Variants in LAPTM4A observed in about 807,000 individuals in gnomAD.
The protein encoded by LAPTM4A is lysosomal protein transmembrane 4 alpha, also known as lysosomal-associated transmembrane protein 4A.
LAPTM4A carries 19 observed loss-of-function variants against 29.9 expected under a neutral mutation model. The ratio of observed to expected loss-of-function variants is 0.64; its 90% CI spans 0.44 to 0.93. LAPTM4A has a LOEUF of 0.93. Among genes scored for constraint, LAPTM4A ranks in the 40% least tolerant of loss-of-function variants. The pLI is 0.00. For synonymous variants in LAPTM4A, 105 were observed against 102.1 expected (o/e 1.03, Z -0.17); for missense variants, 293 against 288.5 (o/e 1.02, Z -0.11).
In LAPTM4A at chr2:20,033,213, G is replaced by C. The variant is rs373618750; in HGVS notation, c.694C>G (p.Pro232Ala). Reference protein sequence around the residue: ...PEKEPPPPYLPA With the variant: ...PEKEPPPPYLAA Reference sequence around the variant, plus strand: ...TCAAAGGCAGAATTTCTTCAGGCAGGTAAGTAAGGAGGTGGTGGTTCTTTT... The same window carrying C: ...TCAAAGGCAGAATTTCTTCAGGCAGCTAAGTAAGGAGGTGGTGGTTCTTTT... Residue 232 changes from proline (P) to alanine (A), a missense_variant, in exon 7 of 7, where the codon CCT becomes GCT. Transcript: ENST00000175091. 3 of 1,613,838 alleles carry C rather than the reference G, an allele frequency of 1.9e-6. No homozygotes were observed. The highest frequency in any genetic ancestry group is 2.2e-5 in the East Asian group (1 of 44,860).
chr2:20,034,835 C>A, intron 5 of LAPTM4A, 132 bp downstream of exon 5: 1 of 675,188 alleles, frequency 1.5e-6, no homozygotes, highest in South Asian at 1.8e-5. Flanking sequence ...GCTATCTCTG[C>A]TCATGTGCCA....
chr2:20,051,452 G>C lies in LAPTM4A; in HGVS notation c.69C>G (p.Cys23Trp). 1 of 1,613,296 alleles carries C rather than the reference G, an allele frequency of 6.2e-7. No homozygotes were observed. Among genetic ancestry groups the C allele is most frequent in the African/African-American group, 1.3e-5 (1 of 75,010 alleles). ...RFYSTRCCGCCHVRTGTIILG... is the reference protein window; with the variant it reads ...RFYSTRCCGCWHVRTGTIILG... Reference sequence around the variant, plus strand: ...GGATGATCGTCCCGGTGCGGACATGGCAACAGCCGCAGCACCGGGTGCTGT... The same window carrying C: ...GGATGATCGTCCCGGTGCGGACATGCCAACAGCCGCAGCACCGGGTGCTGT... The change falls in exon 1 of 7, where the codon TGC (cysteine) becomes TGG (tryptophan). Residue 23 changes from cysteine (C) to tryptophan (W), a missense_variant. Cys to Trp is a radical substitution (Grantham distance 215). Coordinates refer to ENST00000175091, the MANE Select transcript of LAPTM4A (RefSeq NM_014713.5).
At chr2:20,041,811 C>G (rs1673808172) in intron 1 of LAPTM4A, among the ~76,000 whole-genome samples, 1 of 152,184 alleles carries the variant, frequency 6.6e-6, no homozygotes, top group East Asian at 1.9e-4. Flanking sequence ...GTTGGTATTA[C>G]AGGCGTGAGC....
intron 6 of LAPTM4A, among the ~76,000 whole-genome samples, chr2:20,033,926 C>G (rs1219364890): frequency 6.6e-6 from 1 of 152,152 alleles, no homozygotes; most frequent in Non-Finnish European, 1.5e-5. Context: ...TATTCATCTC[C>G]CCAGACAGGT....
intron 1 of LAPTM4A, among the ~76,000 whole-genome samples, chr2:20,044,368 C>T (rs1161986817): frequency 1.3e-5 from 2 of 152,222 alleles, no homozygotes. Context: ...CTCTGCGGTA[C>T]AGAAATTCCT....
Position 20,034,387 on chromosome 2 carries a change from C to T in LAPTM4A, c.557G>A (p.Cys186Tyr). 1 of 1,613,594 alleles carries T rather than the reference C, an allele frequency of 6.2e-7. No individual in the cohort carries two copies. Among genetic ancestry groups the T allele is most frequent in the South Asian group, 1.1e-5 (1 of 91,072 alleles). ...KAYLINCVWNCYKYINNRNVP... is the reference protein window; with the variant it reads ...KAYLINCVWNYYKYINNRNVP... The stretch of plus-strand genomic sequence containing the variant: ...GTTTCGGTTGTTGATGTATTTATAG[C>T]AGTTCCAAACACAGTTAATTAGATA... The change falls in exon 6 of 7, where the codon TGC becomes TAC. Residue 186 changes from cysteine to tyrosine, a missense_variant. Cys to Tyr is a radical substitution (Grantham distance 194). Transcript: ENST00000175091.
At chr2:20,044,255 T>C (rs1673864913) in intron 1 of LAPTM4A, among the ~76,000 whole-genome samples, 3 of 152,250 alleles carry the variant, frequency 2.0e-5, no homozygotes. Context: ...AACTATCAGA[T>C]ATATCTACTA....
chr2:20,046,232 G>A (rs764600825), intron 1 of LAPTM4A, among the ~76,000 whole-genome samples: 13 of 152,182 alleles, frequency 8.5e-5, no homozygotes, highest in Admixed American at 6.5e-5. Flanking sequence ...ATAGCATTAG[G>A]AGAAATAACT....
chr2:20,041,467 TAA>T (rs1673798632), intron 1 of LAPTM4A, among the ~76,000 whole-genome samples: 1 of 152,174 alleles, frequency 6.6e-6, no homozygotes, highest in South Asian at 2.1e-4. Context: ...CTCAAATGCT[TAA>T]GAGACTTACC....
chr2:20,035,122 C>A, intron 4 of LAPTM4A, 60 bp from the exon 5 acceptor site: 1 of 1,110,420 alleles, frequency 9.0e-7, no homozygotes, highest in Non-Finnish European at 1.4e-6. Flanking sequence ...TTGCTGATAA[C>A]CTGAAGAGCA....
chr2:20,047,972 T>A (rs1165741120), intron 1 of LAPTM4A, among the ~76,000 whole-genome samples: 6 of 152,098 alleles, frequency 3.9e-5, no homozygotes, highest in Admixed American at 6.5e-5. Context: ...CTAACAAATA[T>A]AAACAAGCTA....
At chr2:20,039,236 T>G (rs567111564) in intron 2 of LAPTM4A, among the ~76,000 whole-genome samples, 1 of 152,172 alleles carries the variant, frequency 6.6e-6, no homozygotes, top group Non-Finnish European at 1.5e-5. Context: ...AATTTATCAC[T>G]GGGCAGTAAA....
At chr2:20,041,493 T>C (rs552225902) in intron 1 of LAPTM4A, among the ~76,000 whole-genome samples, 2 of 152,246 alleles carry the variant, frequency 1.3e-5, no homozygotes, top group South Asian at 2.1e-4. Flanking sequence ...ATACTGAAAG[T>C]CACTTATCTA....
At position 20,051,541 on chromosome 2, in the gene LAPTM4A, C is replaced by G; in HGVS notation, c.-21G>C. 1 of 1,486,412 alleles carries G rather than the reference C, an allele frequency of 6.7e-7. No homozygotes were observed. Among genetic ancestry groups the G allele is most frequent in the Admixed American group, 1.9e-5 (1 of 53,616 alleles). 92.1% of individuals were successfully genotyped at this position (1,486,412 alleles called of 1,614,324 possible). Reference sequence around the variant, plus strand: ...ACCATCGTAACAGGCGGGCCTCCTTCTTGGCCGGGCCCCTGACAAACGTTC... The same window carrying G: ...ACCATCGTAACAGGCGGGCCTCCTTGTTGGCCGGGCCCCTGACAAACGTTC... On this transcript the variant is annotated 5_prime_UTR_variant, in exon 1 of 7. Coordinates refer to ENST00000175091, the MANE Select transcript of LAPTM4A (RefSeq NM_014713.5).
Position 20,046,513 on chromosome 2 carries a change from G to T in LAPTM4A, c.111+4897C>A, listed in dbSNP as rs549259145. 1.5e-4 allele frequency among the ~76,000 whole-genome samples: 22 copies of T among 151,300 alleles called. No homozygotes were observed. The East Asian group carries it at 2.9e-3, about 20-fold the overall frequency. ...CACACACATTTTATTTTGAGACAGG[G>T]TCTCATTCTGTCACCCAGGATGGAG... On this transcript the variant is annotated intron_variant, in intron 1 of 6. Transcript: ENST00000175091.
At chr2:20,041,662 G>A (rs182347256) in intron 1 of LAPTM4A, among the ~76,000 whole-genome samples, 128 of 152,214 alleles carry the variant, frequency 8.4e-4, no homozygotes, top group Middle Eastern at 3.4e-3. Context: ...CAGCCACCTG[G>A]TAGCTGGGAT....
intron 2 of LAPTM4A, among the ~76,000 whole-genome samples, chr2:20,040,378 T>C (rs1487240382): frequency 6.6e-6 from 1 of 152,264 alleles, no homozygotes; most frequent in Non-Finnish European, 1.5e-5. Flanking sequence ...ATCAAAATAC[T>C]TTCCTGCCTC....
intron 1 of LAPTM4A, among the ~76,000 whole-genome samples, chr2:20,050,722 A>T (rs959900421): frequency 5.9e-5 from 9 of 152,300 alleles, no homozygotes; most frequent in Middle Eastern, 3.4e-3. Flanking sequence ...CAGGATGGAG[A>T]GGGCTCTCAA....
At chr2:20,047,332 G>A (rs1390287596) in intron 1 of LAPTM4A, among the ~76,000 whole-genome samples, 1 of 149,312 alleles carries the variant, frequency 6.7e-6, no homozygotes, top group African/African-American at 2.5e-5. Flanking sequence ...AGGTTGCAGT[G>A]AGCCGAGATC....
Sources: gnomAD v4.1 joint callset for allele counts (sites outside exome capture counted in the v4.1 genomes callset) on GRCh38, gnomAD v4.1.1 for gene constraint, MANE v1.5 for transcripts, NCBI Gene and HGNC (gene_info 2026-07-23, HGNC 2026-07-21) for gene names.